Variants in ASIC2 observed in about 807,000 individuals in gnomAD.
The protein encoded by ASIC2 is acid sensing ion channel subunit 2.
In ASIC2, 25 loss-of-function variants were observed where a neutral mutation model predicts 57.3. The ratio of observed to expected loss-of-function variants is 0.44; its 90% CI spans 0.32 to 0.61. The LOEUF (loss-of-function observed/expected upper bound fraction) is 0.61, where lower values mean the gene tolerates loss of function less well. ASIC2 is among the 20% of genes least tolerant of loss of function. The pLI is 0.06. For missense variants in ASIC2, 641 were observed against 738.1 expected (o/e 0.87, Z 1.52); for synonymous variants, 319 against 307.5 (o/e 1.04, Z -0.39).
chr17:33,230,509 G>A (rs1339790849), intron 1 of ASIC2, among the ~76,000 whole-genome samples: 1 of 152,234 alleles, frequency 6.6e-6, no homozygotes, highest in African/African-American at 2.4e-5. Context: ...AAGGTACAGA[G>A]CAGGGTTGTG....
intron 1 of ASIC2, among the ~76,000 whole-genome samples, chr17:33,894,272 G>T (rs181883607): frequency 6.6e-6 from 1 of 152,102 alleles, no homozygotes; most frequent in Admixed American, 6.6e-5. Context: ...GGGAAAGCCT[G>T]CTGGGCTTAT....
intron 1 of ASIC2, chr17:34,039,838 CGTCG>C: frequency 6.2e-7 from 1 of 1,607,162 alleles, no homozygotes; most frequent in Non-Finnish European, 8.5e-7. Context: ...TAATTTCTGC[CGTCG>C]TGGGTCCAGG....
intron 1 of ASIC2, among the ~76,000 whole-genome samples, chr17:33,728,584 C>G (rs1245363849): frequency 1.3e-5 from 2 of 152,058 alleles, no homozygotes; most frequent in African/African-American, 2.4e-5. Context: ...CTGGGCATAC[C>G]TGTAATTTAA....
At chr17:34,033,221 C>T (rs1187218198) in intron 1 of ASIC2, among the ~76,000 whole-genome samples, 1 of 152,072 alleles carries the variant, frequency 6.6e-6, no homozygotes, top group Non-Finnish European at 1.5e-5. Context: ...CACTCAAAAC[C>T]ACTCAACTAC....
At chr17:34,099,628 GAAAA>G (rs201907559) in intron 1 of ASIC2, among the ~76,000 whole-genome samples, 1,255 of 106,102 alleles carry the variant, frequency 0.012, 20 homozygotes, top group Middle Eastern at 0.037. Context: ...GAAAGAAAAA[GAAAA>G]AGAAAGAAAG....
intron 5 of ASIC2, 34 bp downstream of exon 5, chr17:33,025,891 GC>G (rs771445156): frequency 1.3e-6 from 2 of 1,562,540 alleles, no homozygotes; most frequent in Non-Finnish European, 1.7e-6. Flanking sequence ...CAGGCCCCCG[GC>G]CCCCATGATT....
At chr17:33,843,450 G>A (rs930858486) in intron 1 of ASIC2, among the ~76,000 whole-genome samples, 6 of 152,202 alleles carry the variant, frequency 3.9e-5, no homozygotes, top group Non-Finnish European at 8.8e-5. Flanking sequence ...TATGTCATAA[G>A]TCTCACTGTT....
At chr17:33,030,072 C>T (rs1476938459) in intron 3 of ASIC2, among the ~76,000 whole-genome samples, 2 of 152,152 alleles carry the variant, frequency 1.3e-5, no homozygotes, top group African/African-American at 4.8e-5. Context: ...CACCTATAGT[C>T]TGTGGCTTAC....
At chr17:33,137,957 G>A (rs1461094081) in intron 1 of ASIC2, among the ~76,000 whole-genome samples, 1 of 152,182 alleles carries the variant, frequency 6.6e-6, no homozygotes, top group Non-Finnish European at 1.5e-5. Flanking sequence ...TGGGAGGGGT[G>A]AACACAAACC....
At chr17:33,169,011 C>G (rs115340452) in intron 1 of ASIC2, among the ~76,000 whole-genome samples, 2,642 of 152,218 alleles carry the variant, frequency 0.017, 57 homozygotes, top group African/African-American at 0.058. Context: ...CATCACAGGC[C>G]CAGAGCTCTA....
Position 34,056,690 on chromosome 17 carries a change from T to C in ASIC2, c.555+99288A>G, listed in dbSNP as rs557345870. ...CTGTGCAAATATACAGATTGACCCATATAGGTCAATCTATATTATTTACTT... is the reference window on the plus strand; with the variant it reads ...CTGTGCAAATATACAGATTGACCCACATAGGTCAATCTATATTATTTACTT... On this transcript the variant is annotated intron_variant, in intron 1 of 9. Coordinates refer to the ASIC2 transcript ENST00000359872. 8.5e-4 allele frequency among the ~76,000 whole-genome samples: 129 copies of C among 152,318 alleles called. 1 individual carries two copies. Among genetic ancestry groups the C allele is most frequent in the Non-Finnish European group, 1.3e-3 (86 of 68,036 alleles).
chr17:33,360,506 C>A lies in ASIC2; in HGVS notation c.556-248439G>T, dbSNP rs367614036. Among the ~76,000 whole-genome samples, 3 of 152,178 alleles carry A rather than the reference C, an allele frequency of 2.0e-5. No individual in the cohort carries two copies. In the East Asian group the frequency reaches 5.8e-4, roughly 29 times the overall value. ...GAATACCCTTGCCTCTGCCTGTAGC[C>A]CACCTCCTCCCTGCCTCTGGATAAA... On this transcript the variant is annotated intron_variant, in intron 1 of 9. Coordinates refer to the ASIC2 transcript ENST00000359872.
intron 1 of ASIC2, among the ~76,000 whole-genome samples, chr17:33,944,707 C>T (rs1410181851): frequency 6.6e-6 from 1 of 152,168 alleles, no homozygotes; most frequent in African/African-American, 2.4e-5. Context: ...GAGAGATGTA[C>T]TGAGAATGAG....
At chr17:33,439,790 A>G (rs1016054808) in intron 1 of ASIC2, among the ~76,000 whole-genome samples, 3 of 152,214 alleles carry the variant, frequency 2.0e-5, no homozygotes, top group African/African-American at 7.2e-5. Context: ...ATGATTCAAC[A>G]TGTTACAAGA....
chr17:33,179,701 G>A (rs569334468), intron 1 of ASIC2, among the ~76,000 whole-genome samples: 1 of 152,332 alleles, frequency 6.6e-6, no homozygotes, highest in South Asian at 2.1e-4. Context: ...AGATTACAAA[G>A]TTAAGAGACT....
chr17:34,027,379 G>A (rs1567792697), intron 1 of ASIC2, among the ~76,000 whole-genome samples: 1 of 152,086 alleles, frequency 6.6e-6, no homozygotes, highest in Non-Finnish European at 1.5e-5. Context: ...TGGTTACACG[G>A]CCATGGGCTT....
At chr17:33,545,254 G>A (rs1228872930) in intron 1 of ASIC2, among the ~76,000 whole-genome samples, 1 of 152,094 alleles carries the variant, frequency 6.6e-6, no homozygotes, top group Non-Finnish European at 1.5e-5. Flanking sequence ...TATATGTTAA[G>A]CAATGCACAT....
intron 1 of ASIC2, among the ~76,000 whole-genome samples, chr17:33,374,795 T>C (rs1257868292): frequency 6.6e-6 from 1 of 152,196 alleles, no homozygotes; most frequent in Admixed American, 6.5e-5. Context: ...GAGCCTATTT[T>C]TCACTGATGA....
intron 1 of ASIC2, among the ~76,000 whole-genome samples, chr17:33,222,888 G>T (rs915161744): frequency 6.6e-6 from 1 of 151,992 alleles, no homozygotes; most frequent in Non-Finnish European, 1.5e-5. Context: ...GTCTATACTA[G>T]ATAGCCAGTT....
Sources: gnomAD v4.1 joint callset for allele counts (sites outside exome capture counted in the v4.1 genomes callset) on GRCh38, gnomAD v4.1.1 for gene constraint, MANE v1.5 for transcripts, NCBI Gene and HGNC (gene_info 2026-07-23, HGNC 2026-07-21) for gene names.